DAAM2: variants seen among roughly 807,000 people sequenced by gnomAD.
The protein encoded by DAAM2 is dishevelled associated activator of morphogenesis 2, also known as disheveled-associated activator of morphogenesis 2.
Under a neutral mutation model 120.7 loss-of-function variants are expected in DAAM2, and 39 were observed. The observed-to-expected ratio is 0.32, with a 90% CI of 0.25 to 0.42. The LOEUF is 0.42. Among genes scored for constraint, DAAM2 ranks in the 10% least tolerant of loss-of-function variants. The probability of loss-of-function intolerance (pLI) is 1.00; values close to 1 mark genes in which losing one functional copy is unlikely to be tolerated. For missense variants in DAAM2, 1,283 were observed against 1,401.7 expected (o/e 0.92, Z 1.35); for synonymous variants, 488 against 524.9 (o/e 0.93, Z 0.96).
Position 39,904,624 on chromosome 6 carries a change from A to G in DAAM2, c.*2587A>G, listed in dbSNP as rs113461240. 97 of 454,160 alleles carry G rather than the reference A, an allele frequency of 2.1e-4. No individual in the cohort carries two copies. Among genetic ancestry groups the G allele is most frequent in the African/African-American group, 1.6e-3 (82 of 50,120 alleles). The allele number at this position is 454,160 out of a possible 1,614,324, so 28.1% of individuals were successfully genotyped here. A position where few individuals can be genotyped will look rare whatever the true frequency, so the allele number is the denominator to read the frequency against. On this transcript the variant is annotated 3_prime_UTR_variant, in exon 25 of 25. Coordinates refer to ENST00000274867, the MANE Select transcript of DAAM2 (RefSeq NM_001201427.2). ...TGGGAGGAGAAAATTCTCCAGGTGA[A>G]TGGGGAAGGGTCTGTTCCAGCCTCT...
Position 39,851,264 on chromosome 6 carries a change from G to C in DAAM2, c.-56-4983G>C, listed in dbSNP as rs1465431456. Among the ~76,000 whole-genome samples, 3 of 152,286 alleles carry C rather than the reference G, an allele frequency of 2.0e-5. No individual in the cohort carries two copies. The East Asian group carries it at 5.8e-4, about 29-fold the overall frequency. On this transcript the variant is annotated intron_variant, in intron 1 of 24. Coordinates refer to ENST00000274867, the MANE Select transcript of DAAM2 (RefSeq NM_001201427.2). ...TATGGCTTAGTGGCTTACTGCTTTA[G>C]AGTCAGACAGTCCTGGGTTTGAATC...
intron 1 of DAAM2, among the ~76,000 whole-genome samples, chr6:39,830,097 C>G (rs1423728212): frequency 6.6e-6 from 1 of 152,118 alleles, no homozygotes; most frequent in African/African-American, 2.4e-5. Context: ...ACAATCAGGT[C>G]TGTGTTTTAT....
intron 13 of DAAM2, 143 bp from the exon 14 acceptor site, chr6:39,879,035 T>C (rs889162035): frequency 8.1e-6 from 5 of 616,430 alleles, no homozygotes; most frequent in Non-Finnish European, 8.5e-6. Context: ...AGAGAGAAAA[T>C]GGGGCCAAAT....
intron 1 of DAAM2, among the ~76,000 whole-genome samples, chr6:39,851,670 G>A (rs1763811089): frequency 6.6e-6 from 1 of 152,218 alleles, no homozygotes; most frequent in Non-Finnish European, 1.5e-5. Flanking sequence ...CAAGTGGTAG[G>A]AAGTCCTTCC....
Position 39,904,327 on chromosome 6 carries a change from A to G in DAAM2, c.*2290A>G, listed in dbSNP as rs1766664244. The stretch of plus-strand genomic sequence containing the variant: ...GCCAGTGGCTCTGGTGCTAGATGCC[A>G]CTGTAGCCAGATCTCCAACAGTGCC... On this transcript the variant is annotated 3_prime_UTR_variant, in exon 25 of 25. Transcript: ENST00000274867. 2 of 456,702 alleles carry G rather than the reference A, an allele frequency of 4.4e-6. No individual in the cohort carries two copies. Among genetic ancestry groups the G allele is most frequent in the Non-Finnish European group, 8.8e-6 (2 of 226,968 alleles). 28.3% of individuals were successfully genotyped at this position (456,702 alleles called of 1,614,324 possible).
chr6:39,807,737 G>A (rs1380184202), intron 1 of DAAM2, among the ~76,000 whole-genome samples: 1 of 152,086 alleles, frequency 6.6e-6, no homozygotes, highest in Non-Finnish European at 1.5e-5. Flanking sequence ...GGCTGGTCTC[G>A]AACTTCTGAC....
chr6:39,816,479 T>A (rs1762313349), intron 1 of DAAM2, among the ~76,000 whole-genome samples: 1 of 152,172 alleles, frequency 6.6e-6, no homozygotes, highest in Non-Finnish European at 1.5e-5. Context: ...TAGATCTCAG[T>A]AACATTTACT....
rs148152578 is a variant in DAAM2, at chr6:39,825,270, G to T, written c.-56-30977G>T. Among the ~76,000 whole-genome samples the T allele has an allele frequency of 4.3e-3, 647 of 152,030 alleles. 2 individuals carry two copies. The highest frequency in any genetic ancestry group is 0.015 in the African/African-American group (617 of 41,442). On this transcript the variant is annotated intron_variant, in intron 1 of 24. Transcript: ENST00000274867. ...CCAGGCATGGTGGTGTGCGCCTGTAGTTTCAGCTACTCAGGAGGCTGAGGC... is the reference window on the plus strand; with the variant it reads ...CCAGGCATGGTGGTGTGCGCCTGTATTTTCAGCTACTCAGGAGGCTGAGGC...
chr6:39,888,354 G>A (rs1001317801), intron 16 of DAAM2: 4 of 180,618 alleles, frequency 2.2e-5, no homozygotes, highest in Non-Finnish European at 3.4e-5. Context: ...TGAGGAGGAG[G>A]AGAAGGATCA....
rs1764491578 is a variant in DAAM2, at chr6:39,867,774, T to C, written c.693T>C (p.Gly231=). Residue 231 remains glycine (G), a synonymous_variant, in exon 6 of 25, where the codon GGT becomes GGC. Transcript: ENST00000274867. ...EILGAVCLVP[G]GHKKVLQAML... is the part of the protein sequence containing the mutation. Reference sequence around the variant, plus strand: ...TGGGTGCTGTGTGCCTCGTGCCTGGTGGCCACAAGAAGGTGCTGCAGGCCA... The same window carrying C: ...TGGGTGCTGTGTGCCTCGTGCCTGGCGGCCACAAGAAGGTGCTGCAGGCCA... 6.2e-7 allele frequency: 1 copy of C among 1,613,436 alleles called. No individual in the cohort carries two copies. The highest frequency in any genetic ancestry group is 1.3e-5 in the African/African-American group (1 of 74,916).
rs59432565 is a variant in DAAM2, at chr6:39,811,174, A to AGTGTGTGTGTGT, written c.-57+18737_-57+18748dup. The stretch of plus-strand genomic sequence containing the variant: ...ATTTGTAAGCCTGTAAACTGAAGGG[A>AGTGTGTGTGTGT]GTGTGTGTGTGTGTGTGTGTGTGTG... On this transcript the variant is annotated intron_variant, in intron 1 of 24. Coordinates refer to ENST00000274867, the MANE Select transcript of DAAM2 (RefSeq NM_001201427.2). Among the ~76,000 whole-genome samples the AGTGTGTGTGTGT allele has an allele frequency of 1.5e-3, 218 of 146,548 alleles. 1 individual carries two copies. Among genetic ancestry groups the AGTGTGTGTGTGT allele is most frequent in the South Asian group, 3.8e-3 (17 of 4,472 alleles).
In DAAM2 at chr6:39,901,614, G is replaced by C. The variant is rs184851760; in HGVS notation, c.2982+142G>C. The C allele has an allele frequency of 1.4e-3, 1,499 of 1,089,692 alleles. No homozygotes were observed. The highest frequency in any genetic ancestry group is 9.7e-3 in the Middle Eastern group (31 of 3,196). 67.5% of individuals were successfully genotyped at this position (1,089,692 alleles called of 1,614,324 possible). A position where few individuals can be genotyped will look rare whatever the true frequency, so the allele number is the denominator to read the frequency against. On this transcript the variant is annotated intron_variant, in intron 24 of 24. Transcript: ENST00000274867. This position sits in a 1 kb window ranked among gnomAD's most constrained non-coding sequence, Gnocchi z 4.5. Reference sequence around the variant, plus strand: ...GGGGTTGGATGTCAGCCCCAGGAGAGAGAAACTTCTTCCCAGCCTGAGGGA... The same window carrying C: ...GGGGTTGGATGTCAGCCCCAGGAGACAGAAACTTCTTCCCAGCCTGAGGGA...
chr6:39,848,116 A>T (rs923926954), intron 1 of DAAM2, among the ~76,000 whole-genome samples: 29 of 152,062 alleles, frequency 1.9e-4, no homozygotes, highest in Admixed American at 1.8e-3. Context: ...GCATGTGCTG[A>T]CGCCCTCTCT....
At chr6:39,836,210 T>C (rs1035330718) in intron 1 of DAAM2, among the ~76,000 whole-genome samples, 14 of 152,182 alleles carry the variant, frequency 9.2e-5, no homozygotes, top group Non-Finnish European at 1.9e-4. Flanking sequence ...TTTGGCTCCA[T>C]TTTGGCTCAC....
chr6:39,864,539 C>G (rs377234542), intron 4 of DAAM2, 32 bp downstream of exon 4: 10 of 1,574,954 alleles, frequency 6.3e-6, no homozygotes, highest in Non-Finnish European at 8.7e-6. Flanking sequence ...GCCCTGCCCC[C>G]ACCTGGAAAG....
intron 1 of DAAM2, among the ~76,000 whole-genome samples, chr6:39,825,715 G>A (rs894717736): frequency 4.6e-5 from 7 of 152,158 alleles, no homozygotes; most frequent in African/African-American, 1.2e-4. Context: ...TCTGCACCCC[G>A]ATATCTGTAC....
chr6:39,842,162 T>C (rs1763365274), intron 1 of DAAM2, among the ~76,000 whole-genome samples: 1 of 152,144 alleles, frequency 6.6e-6, no homozygotes, highest in Admixed American at 6.5e-5. Context: ...TGAAGGTTCA[T>C]TCCTGGGGTG....
In DAAM2 at chr6:39,878,555, G is replaced by A. The variant is rs1473746349; in HGVS notation, c.1512G>A (p.Val504=). 1.2e-6 allele frequency: 2 copies of A among 1,608,596 alleles called. No homozygotes were observed. Among genetic ancestry groups the A allele is most frequent in the Non-Finnish European group, 1.7e-6 (2 of 1,177,688 alleles). Residue 504 remains valine, a synonymous_variant, in exon 13 of 25, where the codon GTG becomes GTA. Transcript: ENST00000274867. The surrounding 1 kb of genome is among the most constrained non-coding windows in gnomAD (Gnocchi z 5.0). The part of the protein sequence containing the change: ...SQELRQARGQ[V]AELVAQLSEL... ...AGCTGCGCCAGGCTCGGGGACAAGT[G>A]GCAGAGCTGGTAGCCCAGCTCAGTG...
intron 6 of DAAM2, chr6:39,868,107 G>A (rs546934157): frequency 6.9e-5 from 33 of 475,158 alleles, no homozygotes; most frequent in Admixed American, 5.5e-4. Context: ...CCTGGAAGCC[G>A]GAATATTGGC....
Sources: allele counts gnomAD v4.1 joint callset (sites outside exome capture counted in the v4.1 genomes callset), GRCh38; gene constraint gnomAD v4.1.1; non-coding constraint Gnocchi (gnomAD v3.1); transcripts MANE v1.5; gene names NCBI Gene and HGNC (gene_info 2026-07-23, HGNC 2026-07-21).